The following TNIP3 variants were observed in gnomAD, a reference collection of about 807,000 sequenced individuals.
TNIP3 encodes TNFAIP3-interacting protein 3.
Under a neutral mutation model 54.1 loss-of-function variants are expected in TNIP3, and 34 were observed. The observed-to-expected ratio is 0.63, with a 90% CI of 0.48 to 0.84. The LOEUF (loss-of-function observed/expected upper bound fraction) is 0.84. TNIP3 is among the 40% of genes least tolerant of loss of function. The pLI is 0.00. For synonymous variants in TNIP3, 134 were observed against 136.8 expected (o/e 0.98, Z 0.14); for missense variants, 366 against 387.6 (o/e 0.94, Z 0.47).
At chr4:121,164,622 C>A (rs114481941), upstream of TNIP3, among the ~76,000 whole-genome samples, 1 of 152,066 alleles carries the variant, frequency 6.6e-6, no homozygotes, top group African/African-American at 2.4e-5. Flanking sequence ...TCCCTAAAGG[C>A]GAGATTTTCT....
intron 5 of TNIP3, among the ~76,000 whole-genome samples, chr4:121,151,760 G>T (rs911303780): frequency 6.6e-6 from 1 of 152,092 alleles, no homozygotes; most frequent in Admixed American, 6.5e-5. Context: ...TGCTATTTGG[G>T]ATCCTAGAAA....
chr4:121,210,849 G>T (rs376740368), intron 2 of TNIP3, among the ~76,000 whole-genome samples: 1 of 152,178 alleles, frequency 6.6e-6, no homozygotes, highest in Non-Finnish European at 1.5e-5. Context: ...GGGTTTAGGA[G>T]TTCAACATAC....
intron 3 of TNIP3, among the ~76,000 whole-genome samples, chr4:121,175,739 C>T (rs1163118147): frequency 6.6e-6 from 1 of 152,212 alleles, no homozygotes; most frequent in Admixed American, 6.5e-5. Flanking sequence ...ATATTCCCCC[C>T]TTGCACCACT....
At chr4:121,198,703 C>A (rs543551935) in intron 2 of TNIP3, among the ~76,000 whole-genome samples, 10 of 152,248 alleles carry the variant, frequency 6.6e-5, no homozygotes, top group Admixed American at 2.6e-4. Context: ...TGAAGGCCAA[C>A]TCAACTGATC....
At chr4:121,201,299 G>A (rs1326990323) in intron 2 of TNIP3, among the ~76,000 whole-genome samples, 1 of 152,180 alleles carries the variant, frequency 6.6e-6, no homozygotes, top group South Asian at 2.1e-4. Context: ...GACGTTCTAT[G>A]CAAGATGGCG....
intron 2 of TNIP3, among the ~76,000 whole-genome samples, chr4:121,186,768 G>A (rs1725045005): frequency 1.3e-5 from 2 of 152,138 alleles, no homozygotes. Context: ...CATAAATTTA[G>A]TATACCACCA....
intron 4 of TNIP3, among the ~76,000 whole-genome samples, chr4:121,154,965 C>CTT: frequency 7.1e-6 from 1 of 141,518 alleles, no homozygotes; most frequent in Non-Finnish European, 1.6e-5. Flanking sequence ...ATTCCCAATT[C>CTT]TTTTTTTTTT....
chr4:121,152,415 A>G (rs982539829), intron 5 of TNIP3, among the ~76,000 whole-genome samples: 4 of 152,242 alleles, frequency 2.6e-5, no homozygotes, highest in Non-Finnish European at 5.9e-5. Context: ...AGCTTAAAGT[A>G]TAGATGTGGG....
chr4:121,193,805 TAA>T (rs777108482), intron 2 of TNIP3, among the ~76,000 whole-genome samples: 8 of 152,048 alleles, frequency 5.3e-5, no homozygotes, highest in Non-Finnish European at 1.0e-4. Context: ...CAAGATGCAT[TAA>T]AAAAAGTTTC....
chr4:121,216,596 C>T, exon 1 of TNIP3: 9 of 1,491,836 alleles, frequency 6.0e-6, no homozygotes, highest in Non-Finnish European at 8.0e-6. Flanking sequence ...CTGTTAAATG[C>T]ATTTTTCATC....
upstream of TNIP3, among the ~76,000 whole-genome samples, chr4:121,167,425 G>C (rs1329842311): frequency 6.6e-6 from 1 of 152,116 alleles, no homozygotes; most frequent in East Asian, 1.9e-4. Context: ...AGGGTAGATA[G>C]GATTTTGACA....
chr4:121,144,778 G>T (rs1488079337), intron 7 of TNIP3, among the ~76,000 whole-genome samples: 6 of 152,146 alleles, frequency 3.9e-5, no homozygotes, highest in Non-Finnish European at 7.3e-5. Context: ...ATATTTTACA[G>T]GCAGGTATAC....
chr4:121,155,500 A>T (rs1227215609), intron 4 of TNIP3, among the ~76,000 whole-genome samples: 1 of 152,106 alleles, frequency 6.6e-6, no homozygotes, highest in Non-Finnish European at 1.5e-5. Flanking sequence ...TATTGTTGTG[A>T]TTATTATTTT....
intron 6 of TNIP3, among the ~76,000 whole-genome samples, 184 bp downstream of exon 6, chr4:121,149,919 T>C (rs1481063524): frequency 6.6e-6 from 1 of 152,212 alleles, no homozygotes; most frequent in Admixed American, 6.5e-5. Context: ...ATGTTCTAAA[T>C]GGTGGGACTG....
upstream of TNIP3, among the ~76,000 whole-genome samples, chr4:121,217,100 G>C (rs13112923): frequency 0.34 from 50,982 of 152,018 alleles, 10,185 homozygotes; most frequent in African/African-American, 0.56. Flanking sequence ...CTTAAGTTTG[G>C]TGCAACTTAA....
chr4:121,210,480 A>T (rs1726421701), intron 2 of TNIP3, among the ~76,000 whole-genome samples: 1 of 152,232 alleles, frequency 6.6e-6, no homozygotes, highest in Non-Finnish European at 1.5e-5. Context: ...CAACAAGAAA[A>T]GCAAATAAAA....
chr4:121,164,259 T>TAACA lies in TNIP3; in HGVS notation c.-138_-135dup, dbSNP rs1432824951. ...ATCACCGTTAACTCATAATAGAAAA[T>TAACA]AACAGCAATAGGTTTTCATTAAAAA... On this transcript the variant is annotated 5_prime_UTR_variant, in exon 1 of 11. It removes the in-frame stop codon of an upstream open reading frame in the 5' UTR. Transcript: ENST00000057513. 3.6e-5 allele frequency: 54 copies of TAACA among 1,481,332 alleles called. No homozygotes were observed. The highest frequency in any genetic ancestry group is 4.6e-5 in the Non-Finnish European group (52 of 1,119,210). The allele number at this position is 1,481,332 out of a possible 1,614,324, so 91.8% of individuals were successfully genotyped here.
chr4:121,227,405 C>T, exon 1 of TNIP3: 1 of 1,534,882 alleles, frequency 6.5e-7, no homozygotes. Context: ...CCTGAAAGTC[C>T]TTCTCAGATC....
chr4:121,194,095 T>C (rs1725441371), intron 2 of TNIP3, among the ~76,000 whole-genome samples: 1 of 152,174 alleles, frequency 6.6e-6, no homozygotes, highest in African/African-American at 2.4e-5. Flanking sequence ...GTTTGAGGAT[T>C]AGATGTAGTA....
Sources: gnomAD v4.1 joint callset for allele counts (sites outside exome capture counted in the v4.1 genomes callset) on GRCh38, gnomAD v4.1.1 for gene constraint, MANE v1.5 for transcripts, NCBI Gene and HGNC (gene_info 2026-07-23, HGNC 2026-07-21) for gene names.